CCDC180: variants seen among roughly 807,000 people sequenced by gnomAD.
CCDC180 encodes the protein coiled-coil domain-containing protein 180.
Under a neutral mutation model 209.2 loss-of-function variants are expected in CCDC180, and 154 were observed. The ratio of observed to expected loss-of-function variants is 0.74; its 90% CI spans 0.65 to 0.84. The LOEUF (loss-of-function observed/expected upper bound fraction) is 0.84. Ranked by LOEUF, CCDC180 falls within the 40% of genes least tolerant of loss-of-function variation. CCDC180 has a pLI of 0.00. For synonymous variants in CCDC180, 778 were observed against 749.1 expected, an observed-to-expected ratio of 1.04 and a Z score of -0.63; for missense variants, 1,874 against 1,997.3, an observed-to-expected ratio of 0.94 and a Z score of 1.18.
At chr9:97,365,978 G>T (rs1424560424) in intron 30 of CCDC180, among the ~76,000 whole-genome samples, 1 of 152,242 alleles carries the variant, frequency 6.6e-6, no homozygotes, top group East Asian at 1.9e-4. Context: ...GTCAGGTACT[G>T]TGTGTGCCAA....
Position 97,317,092 on chromosome 9 carries a change from C to T in CCDC180, c.823C>T (p.Arg275Trp), listed in dbSNP as rs750998788. Residue 275 changes from arginine to tryptophan, a missense_variant, in exon 9 of 37, where the codon CGG becomes TGG. Physicochemically the swap from Arg to Trp is moderately radical, Grantham distance 101. Transcript: ENST00000529487. ...MVMNYALLGN[R>W]KALAQLFVNL... Reference sequence around the variant, plus strand: ...CATGAACTATGCCCTGCTGGGCAACCGGAAGGCTCTCGCCCAGCTGTTTGT... The same window carrying T: ...CATGAACTATGCCCTGCTGGGCAACTGGAAGGCTCTCGCCCAGCTGTTTGT... The T allele has an allele frequency of 3.7e-5, 60 of 1,612,990 alleles. No homozygotes were observed. The highest frequency in any genetic ancestry group is 1.6e-4 in the Middle Eastern group (1 of 6,080).
intron 22 of CCDC180, among the ~76,000 whole-genome samples, chr9:97,352,114 AAACAACAACAAC>A (rs3052473): frequency 4.0e-5 from 6 of 150,418 alleles, no homozygotes; most frequent in African/African-American, 9.8e-5. Context: ...TTCCATCTCA[AAACAACAACAAC>A]AACAACAACA....
At chr9:97,357,842 G>T (rs529559490) in intron 25 of CCDC180, 117 bp downstream of exon 25, 33 of 756,846 alleles carry the variant, frequency 4.4e-5, no homozygotes, top group East Asian at 2.5e-4. Flanking sequence ...TTGGCGGGGT[G>T]GGGGGACATC....
chr9:97,337,340 C>T (rs1465486190), intron 18 of CCDC180, among the ~76,000 whole-genome samples: 1 of 151,642 alleles, frequency 6.6e-6, no homozygotes, highest in African/African-American at 2.4e-5. Context: ...TATGTTCCAT[C>T]AATACCTAGT....
intron 18 of CCDC180, among the ~76,000 whole-genome samples, chr9:97,337,280 G>A (rs2118735019): frequency 6.6e-6 from 1 of 152,314 alleles, no homozygotes; most frequent in Middle Eastern, 3.4e-3. Flanking sequence ...TGCCCATTCA[G>A]TATGATACTG....
intron 31 of CCDC180, among the ~76,000 whole-genome samples, chr9:97,368,357 G>A (rs1258138825): frequency 6.6e-6 from 1 of 152,068 alleles, no homozygotes; most frequent in Non-Finnish European, 1.5e-5. Flanking sequence ...TGGCCTCCAG[G>A]GTATTGGGAA....
At chr9:97,361,585 A>G (rs989673649) in intron 26 of CCDC180, 141 bp from the exon 27 acceptor site, 4 of 692,392 alleles carry the variant, frequency 5.8e-6, no homozygotes, top group Non-Finnish European at 9.6e-6. Flanking sequence ...CAGAGGAGAA[A>G]ATAGTGGCTC....
intron 18 of CCDC180, among the ~76,000 whole-genome samples, chr9:97,331,286 A>G (rs924945772): frequency 3.3e-5 from 5 of 152,162 alleles, no homozygotes; most frequent in African/African-American, 7.2e-5. Flanking sequence ...CCCATGGTTT[A>G]TATGTACCAC....
At chr9:97,363,326 C>CTCACTT (rs1826820593) in intron 28 of CCDC180, among the ~76,000 whole-genome samples, 1 of 152,190 alleles carries the variant, frequency 6.6e-6, no homozygotes, top group Non-Finnish European at 1.5e-5. Flanking sequence ...CCTGGACTGT[C>CTCACTT]CCCAAAGATG....
chr9:97,342,732 T>C (rs1360879701), intron 18 of CCDC180, among the ~76,000 whole-genome samples: 1 of 152,204 alleles, frequency 6.6e-6, no homozygotes, highest in Non-Finnish European at 1.5e-5. Context: ...CAACTTAAAC[T>C]CTCTTGCTTC....
intron 26 of CCDC180, among the ~76,000 whole-genome samples, chr9:97,361,271 CA>C: frequency 6.6e-6 from 1 of 152,358 alleles, no homozygotes; most frequent in South Asian, 2.1e-4. Flanking sequence ...TCCATTTGGT[CA>C]AAAACATTGA....
Position 97,320,199 on chromosome 9 carries a change from G to A in CCDC180, c.1153G>A (p.Glu385Lys). The A allele has an allele frequency of 6.2e-7, 1 of 1,613,942 alleles. No homozygotes were observed. The change falls in exon 11 of 37, where the codon GAG becomes AAG. Residue 385 changes from glutamate (E) to lysine (K), a missense_variant. Physicochemically the swap from Glu to Lys is moderately conservative, Grantham distance 56 (BLOSUM62 1). Transcript: ENST00000529487. Reference sequence around the variant, plus strand: ...TTCTTCCCTCAACTCCCTGAACAAGGAGCTAGGTGAGTGACGTCTGCAGGA... The same window carrying A: ...TTCTTCCCTCAACTCCCTGAACAAGAAGCTAGGTGAGTGACGTCTGCAGGA... The part of the protein sequence containing the change: ...WHSSLNSLNK[E>K]LDTYHVDCMM...
chr9:97,314,933 A>G lies in CCDC180; in HGVS notation c.782A>G (p.Asn261Ser). 1.2e-6 allele frequency: 2 copies of G among 1,613,850 alleles called. No homozygotes were observed. Among genetic ancestry groups the G allele is most frequent in the African/African-American group, 2.7e-5 (2 of 75,054 alleles). ...CGGCCCGAAGTGTACAGGCTGATAA[A>G]TGAAGAAGCCATGGTGAGTGGTTTT... The part of the protein sequence containing the change: ...LMRPEVYRLI[N>S]EEAMVMNYAL... The change falls in exon 8 of 37, where the codon AAT becomes AGT. Residue 261 changes from asparagine to serine, a missense_variant. Asn to Ser is a conservative substitution (Grantham distance 46). Coordinates refer to ENST00000529487, the MANE Select transcript of CCDC180 (RefSeq NM_020893.6).
intron 18 of CCDC180, among the ~76,000 whole-genome samples, chr9:97,341,780 C>T (rs1826085826): frequency 6.6e-6 from 1 of 152,198 alleles, no homozygotes; most frequent in Admixed American, 6.5e-5. Context: ...ATGCCCTGCC[C>T]CCAGAGGTGG....
In CCDC180 at chr9:97,308,390, G is replaced by A. The variant is rs567770459; in HGVS notation, c.69+258G>A. On this transcript the variant is annotated intron_variant, in intron 2 of 36. Transcript: ENST00000529487. ...GAAATAGCCTGGATGGAACCACTGGGTGACCTCTGTTTTTCCCATGCATAA... is the reference window on the plus strand; with the variant it reads ...GAAATAGCCTGGATGGAACCACTGGATGACCTCTGTTTTTCCCATGCATAA... Among the ~76,000 whole-genome samples the A allele has an allele frequency of 4.2e-4, 64 of 152,300 alleles. 1 individual carries two copies. The highest frequency in any genetic ancestry group is 5.1e-4 in the Non-Finnish European group (35 of 68,032).
intron 34 of CCDC180, chr9:97,372,823 A>G (rs1321782293): frequency 6.6e-6 from 1 of 152,204 alleles, no homozygotes; most frequent in Non-Finnish European, 1.5e-5. Flanking sequence ...GACTGCTGTG[A>G]GCTTTGATCA....
chr9:97,352,964 C>T (rs117931139), intron 22 of CCDC180, among the ~76,000 whole-genome samples: 6,795 of 99,106 alleles, frequency 0.069, 379 homozygotes, highest in East Asian at 0.17. Context: ...TATATATACA[C>T]ACACACATAT....
At chr9:97,323,689 G>A in intron 12 of CCDC180, 92 bp from the exon 13 acceptor site, 1 of 1,423,708 alleles carries the variant, frequency 7.0e-7, no homozygotes, top group South Asian at 1.4e-5. Context: ...GCTCAGGTCT[G>A]ACTTGTGCAA....
At position 97,364,048 on chromosome 9, in the gene CCDC180, C is replaced by T. The variant is rs1242769982; in HGVS notation, c.3903-3C>T. ...AGACCACCCACCCACCTTTGTCCCA[C>T]AGCTTCACACCGCACCCCAAGCCCA... is the stretch of plus-strand genomic sequence containing the variant. On this transcript the variant is annotated splice_region_variant and splice_polypyrimidine_tract_variant and intron_variant, in intron 28 of 36. Coordinates refer to ENST00000529487, the MANE Select transcript of CCDC180 (RefSeq NM_020893.6). 2 of 1,614,094 alleles carry T rather than the reference C, an allele frequency of 1.2e-6. No individual in the cohort carries two copies. Among genetic ancestry groups the T allele is most frequent in the Admixed American group, 1.7e-5 (1 of 60,012 alleles).
Sources: allele counts gnomAD v4.1 joint callset (sites outside exome capture counted in the v4.1 genomes callset), GRCh38; gene constraint gnomAD v4.1.1; transcripts MANE v1.5; gene names NCBI Gene and HGNC (gene_info 2026-07-23, HGNC 2026-07-21).